EYA2: variants seen among roughly 807,000 people sequenced by gnomAD.
EYA2 encodes EYA transcriptional coactivator and phosphatase 2.
Under a neutral mutation model 69.2 loss-of-function variants are expected in EYA2, and 31 were observed. That is an observed-to-expected ratio of 0.45 (90% confidence interval 0.34 to 0.60). The LOEUF is 0.60. EYA2 is among the 20% of genes least tolerant of loss of function. The pLI is 0.02. For missense variants in EYA2, 622 were observed against 701.2 expected (o/e 0.89, Z 1.28); for synonymous variants, 257 against 279.4 (o/e 0.92, Z 0.80).
At chr20:47,078,329 G>GCACACACA (rs11472681) in intron 7 of EYA2, among the ~76,000 whole-genome samples, 2,343 of 116,078 alleles carry the variant, frequency 0.02, 18 homozygotes, top group East Asian at 0.035. Flanking sequence ...GCGCGCGCGC[G>GCACACACA]CGCACACACA....
rs1251215929 is a variant in EYA2 at position 47,097,069 on chromosome 20, C to T, written c.805-16C>T. The T allele has an allele frequency of 6.2e-7, 1 of 1,600,936 alleles. No homozygotes were observed. The highest frequency in any genetic ancestry group is 1.1e-5 in the South Asian group (1 of 89,540). ...GAGTCCATTTTTCTCCATTCTCTTC[C>T]TCTCTTTCATCACAGCGTGTGTTCG... is the stretch of plus-strand genomic sequence containing the variant. On this transcript the variant is annotated splice_polypyrimidine_tract_variant and intron_variant, in intron 8 of 15. Transcript: ENST00000327619.
At chr20:47,165,306 G>A (rs2034159609) in intron 10 of EYA2, among the ~76,000 whole-genome samples, 1 of 152,162 alleles carries the variant, frequency 6.6e-6, no homozygotes. Context: ...AGAGTCCTGG[G>A]TAAATGGAAA....
intron 5 of EYA2, among the ~76,000 whole-genome samples, chr20:47,043,720 C>A (rs75942862): frequency 6.6e-6 from 1 of 152,060 alleles, no homozygotes; most frequent in African/African-American, 2.4e-5. Flanking sequence ...TAAGTTAATA[C>A]GTATAAAGCT....
chr20:47,012,714 G>A (rs547917480), intron 4 of EYA2, among the ~76,000 whole-genome samples: 13 of 152,226 alleles, frequency 8.5e-5, no homozygotes, highest in South Asian at 8.3e-4. Context: ...GGCTGATCTC[G>A]AACTCCTGAC....
chr20:47,108,692 C>T (rs998460306), intron 9 of EYA2, among the ~76,000 whole-genome samples: 1 of 151,908 alleles, frequency 6.6e-6, no homozygotes, highest in Non-Finnish European at 1.5e-5. Flanking sequence ...TCACCTCAGC[C>T]TCCCAAGTAG....
Position 46,902,039 on chromosome 20 carries a change from A to G in EYA2, c.-11+7052A>G, listed in dbSNP as rs893820456. Among the ~76,000 whole-genome samples, 7 of 152,302 alleles carry G rather than the reference A, an allele frequency of 4.6e-5. 1 individual carries two copies. In the South Asian group the frequency reaches 8.3e-4, roughly 18 times the overall value. On this transcript the variant is annotated intron_variant, in intron 1 of 15. Coordinates refer to ENST00000327619, the MANE Select transcript of EYA2 (RefSeq NM_005244.5). ...ACTCAGCAAATGTCTAAAACGCTCA[A>G]AATGTCTCAGCATTGCTCAGGCACC... is the stretch of plus-strand genomic sequence containing the variant.
chr20:47,181,320 C>T (rs567070662), intron 14 of EYA2, among the ~76,000 whole-genome samples: 2 of 152,240 alleles, frequency 1.3e-5, no homozygotes, highest in East Asian at 1.9e-4. Flanking sequence ...AGGTCTCTCC[C>T]GTTTTATTTT....
chr20:47,056,781 A>C (rs1351883449), intron 5 of EYA2, among the ~76,000 whole-genome samples: 1 of 152,190 alleles, frequency 6.6e-6, no homozygotes, highest in Non-Finnish European at 1.5e-5. Flanking sequence ...ATGGTGGCTC[A>C]CACCTATAAT....
chr20:47,028,013 T>G (rs542862603), intron 5 of EYA2, among the ~76,000 whole-genome samples: 18 of 152,276 alleles, frequency 1.2e-4, no homozygotes, highest in Middle Eastern at 6.8e-3. Context: ...TGATGAGGCC[T>G]TTGGGAGGTG....
At chr20:47,001,028 A>T (rs952942079) in intron 2 of EYA2, among the ~76,000 whole-genome samples, 1 of 152,096 alleles carries the variant, frequency 6.6e-6, no homozygotes, top group South Asian at 2.1e-4. Flanking sequence ...TCCATCCAGG[A>T]GTGGAAATGG....
intron 7 of EYA2, among the ~76,000 whole-genome samples, chr20:47,083,751 A>G (rs1176480756): frequency 6.6e-6 from 1 of 152,340 alleles, no homozygotes; most frequent in East Asian, 1.9e-4. Context: ...TCTCATATGT[A>G]ACACCAAAAA....
chr20:47,174,878 G>A (rs1883883), intron 12 of EYA2, among the ~76,000 whole-genome samples: 23,457 of 152,220 alleles, frequency 0.15, 5,859 homozygotes, highest in African/African-American at 0.52. Context: ...GCCACACTTG[G>A]TGGCCTCTCA....
chr20:47,151,235 G>C (rs891813539), intron 10 of EYA2, among the ~76,000 whole-genome samples: 3 of 151,832 alleles, frequency 2.0e-5, no homozygotes, highest in Non-Finnish European at 4.4e-5. Flanking sequence ...GCAGGTCATC[G>C]TGGTGGGCAC....
At chr20:47,106,811 G>A (rs889341057) in intron 9 of EYA2, among the ~76,000 whole-genome samples, 23 of 152,238 alleles carry the variant, frequency 1.5e-4, no homozygotes, top group African/African-American at 5.1e-4. Context: ...AGCATCCCAA[G>A]GCCAAAAAGC....
intron 5 of EYA2, among the ~76,000 whole-genome samples, chr20:47,064,939 G>A (rs1568755538): frequency 6.6e-6 from 1 of 152,188 alleles, no homozygotes; most frequent in African/African-American, 2.4e-5. Flanking sequence ...TATAAAGGAA[G>A]GAGGTTTAAT....
intron 5 of EYA2, among the ~76,000 whole-genome samples, chr20:47,053,365 C>G (rs557806570): frequency 6.6e-6 from 1 of 152,140 alleles, no homozygotes; most frequent in African/African-American, 2.4e-5. Context: ...CTACTTCATT[C>G]ATAAAAAGAG....
chr20:47,131,052 G>A (rs2146577373), intron 9 of EYA2, among the ~76,000 whole-genome samples: 1 of 152,042 alleles, frequency 6.6e-6, no homozygotes, highest in South Asian at 2.1e-4. Context: ...CTGCGCCATT[G>A]CACTCCAGCC....
chr20:47,013,369 G>A (rs1207388043), intron 4 of EYA2, among the ~76,000 whole-genome samples: 1 of 152,192 alleles, frequency 6.6e-6, no homozygotes, highest in Non-Finnish European at 1.5e-5. Flanking sequence ...GGCAGAGGAA[G>A]CAACATATGC....
At chr20:47,171,307 T>C (rs1413231346) in intron 11 of EYA2, among the ~76,000 whole-genome samples, 1 of 152,238 alleles carries the variant, frequency 6.6e-6, no homozygotes, top group Non-Finnish European at 1.5e-5. Context: ...GAGACCAAAT[T>C]CTCCACTTAT....
Sources: gnomAD v4.1 joint callset for allele counts (sites outside exome capture counted in the v4.1 genomes callset) on GRCh38, gnomAD v4.1.1 for gene constraint, MANE v1.5 for transcripts, NCBI Gene and HGNC (gene_info 2026-07-23, HGNC 2026-07-21) for gene names.